The following HMCN1 variants were observed in gnomAD, a reference collection of about 807,000 sequenced individuals.
HMCN1 encodes hemicentin-1.
Under a neutral mutation model 625.9 loss-of-function variants are expected in HMCN1, and 321 were observed. The observed-to-expected ratio is 0.51, with a 90% CI of 0.47 to 0.56. The LOEUF (loss-of-function observed/expected upper bound fraction) is 0.56. Among genes scored for constraint, HMCN1 ranks in the 20% least tolerant of loss-of-function variants. The probability of loss-of-function intolerance (pLI) is 0.00; values close to 1 mark genes in which losing one functional copy is unlikely to be tolerated. For missense variants in HMCN1, 6,588 were observed against 6,887.3 expected (o/e 0.96, Z 1.54); for synonymous variants, 2,425 against 2,417.6 (o/e 1.00, Z -0.09).
intron 4 of HMCN1, among the ~76,000 whole-genome samples, chr1:185,869,811 G>A (rs781082042): frequency 5.3e-5 from 8 of 152,074 alleles, no homozygotes; most frequent in African/African-American, 1.7e-4. Flanking sequence ...CTATACTGGT[G>A]TCTTCACATT....
chr1:185,860,144 C>A (rs1456405970), intron 2 of HMCN1, among the ~76,000 whole-genome samples: 1 of 152,042 alleles, frequency 6.6e-6, no homozygotes. Flanking sequence ...AAACACATAG[C>A]TTTATTAAGA....
chr1:186,045,547 T>G (rs186589284), intron 40 of HMCN1, 141 bp from the exon 41 acceptor site: 1 of 695,802 alleles, frequency 1.4e-6, no homozygotes, highest in East Asian at 2.7e-5. Context: ...AACCAAGTGA[T>G]GCAAAGTGAT....
chr1:185,882,625 T>C (rs1664378511), intron 4 of HMCN1, among the ~76,000 whole-genome samples: 1 of 152,098 alleles, frequency 6.6e-6, no homozygotes, highest in Non-Finnish European at 1.5e-5. Context: ...ATTTTCCCAC[T>C]TCAGAAATTA....
intron 4 of HMCN1, among the ~76,000 whole-genome samples, chr1:185,886,415 A>G (rs1664653887): frequency 6.6e-6 from 1 of 152,142 alleles, no homozygotes; most frequent in Non-Finnish European, 1.5e-5. Flanking sequence ...AGGTCCTATG[A>G]AACTTGAAAA....
In HMCN1 at chr1:186,007,149, T is replaced by G; in HGVS notation, c.4497T>G (p.Pro1499=). The part of the protein sequence containing the change: ...KDGKPLFLGD[P]NVELLDRGQV... The stretch of plus-strand genomic sequence containing the variant: ...CTAGGCCTTTATTTTTGGGCGATCC[T>G]AATGTTGAACTTCTAGACAGAGGAC... Residue 1499 remains proline, a synonymous_variant, in exon 30 of 107, where the codon CCT becomes CCG. Transcript: ENST00000271588. The G allele has an allele frequency of 6.2e-7, 1 of 1,613,010 alleles. No homozygotes were observed. Among genetic ancestry groups the G allele is most frequent in the South Asian group, 1.1e-5 (1 of 91,048 alleles).
chr1:185,827,385 T>TA (rs1217310970), intron 1 of HMCN1, among the ~76,000 whole-genome samples: 4 of 151,554 alleles, frequency 2.6e-5, no homozygotes, highest in Admixed American at 6.6e-5. Context: ...TGAATGCCAA[T>TA]AAAAAATAAA....
At chr1:185,881,493 C>A (rs1293771084) in intron 4 of HMCN1, among the ~76,000 whole-genome samples, 1 of 152,120 alleles carries the variant, frequency 6.6e-6, no homozygotes, top group Non-Finnish European at 1.5e-5. Context: ...AGTCTGGGGT[C>A]TTTATAGGCA....
At chr1:185,945,559 A>T (rs1668298619) in intron 11 of HMCN1, among the ~76,000 whole-genome samples, 1 of 152,232 alleles carries the variant, frequency 6.6e-6, no homozygotes, top group Non-Finnish European at 1.5e-5. Flanking sequence ...ATACGATGTC[A>T]TAAGAGCCAT....
rs1666641113 is a variant in HMCN1 at position 185,915,276 on chromosome 1, T to C, written c.900+3496T>C. Among the ~76,000 whole-genome samples, 3 of 152,202 alleles carry C rather than the reference T, an allele frequency of 2.0e-5. No individual in the cohort carries two copies. In the South Asian group the frequency reaches 6.2e-4, roughly 32 times the overall value. Reference sequence around the variant, plus strand: ...TTTTATGCTCCTAAATTTCCATTTGTAGGAAAGCTACAGATCATGGATCTT... The same window carrying C: ...TTTTATGCTCCTAAATTTCCATTTGCAGGAAAGCTACAGATCATGGATCTT... On this transcript the variant is annotated intron_variant, in intron 6 of 106. Coordinates refer to ENST00000271588, the MANE Select transcript of HMCN1 (RefSeq NM_031935.3).
Position 186,045,455 on chromosome 1 carries a change from G to A in HMCN1, c.6305-233G>A, listed in dbSNP as rs190625692. 1.2e-3 allele frequency among the ~76,000 whole-genome samples: 176 copies of A among 152,148 alleles called. 1 individual carries two copies. Among genetic ancestry groups the A allele is most frequent in the African/African-American group, 3.7e-3 (153 of 41,538 alleles). ...ATTGGGCACTTGATGAGAACTTCCC[G>A]TTCTAAAAGTTTTTTAAATAAGAAG... On this transcript the variant is annotated intron_variant, in intron 40 of 106. Coordinates refer to ENST00000271588, the MANE Select transcript of HMCN1 (RefSeq NM_031935.3).
At chr1:185,905,337 C>T (rs1012192213) in intron 4 of HMCN1, among the ~76,000 whole-genome samples, 2 of 151,544 alleles carry the variant, frequency 1.3e-5, no homozygotes, top group Non-Finnish European at 3.0e-5. Flanking sequence ...GGTTCAGGGA[C>T]GATAGTAGTG....
At chr1:185,873,126 C>A (rs371219371) in intron 4 of HMCN1, among the ~76,000 whole-genome samples, 1 of 151,996 alleles carries the variant, frequency 6.6e-6, no homozygotes, top group African/African-American at 2.4e-5. Context: ...AAGAAATAAA[C>A]CTATTTATTT....
At chr1:185,906,319 A>C (rs1026503606) in intron 4 of HMCN1, among the ~76,000 whole-genome samples, 1 of 151,832 alleles carries the variant, frequency 6.6e-6, no homozygotes, top group Non-Finnish European at 1.5e-5. Context: ...TTCTTGACAG[A>C]AGTCTGCACT....
intron 91 of HMCN1, among the ~76,000 whole-genome samples, chr1:186,145,037 T>C (rs918535775): frequency 2.6e-5 from 4 of 152,220 alleles, no homozygotes; most frequent in Non-Finnish European, 4.4e-5. Flanking sequence ...TCAACCTGGA[T>C]TTTTAGACCC....
chr1:186,052,000 G>A (rs1383149919), intron 42 of HMCN1, among the ~76,000 whole-genome samples: 1 of 152,000 alleles, frequency 6.6e-6, no homozygotes, highest in Non-Finnish European at 1.5e-5. Flanking sequence ...CAATAACTGA[G>A]TAGACAGAGT....
chr1:185,980,996 A>C lies in HMCN1; in HGVS notation c.2585A>C (p.Lys862Thr). The change falls in exon 17 of 107, where the codon AAA (lysine) becomes ACA (threonine). Residue 862 changes from lysine to threonine, a missense_variant. Transcript: ENST00000271588. Reference protein sequence around the residue: ...LFILNLWASDKGTYICEAENQ... With the variant: ...LFILNLWASDTGTYICEAENQ... The stretch of plus-strand genomic sequence containing the variant: ...CTTTTAGACTTATGGGCAAGTGATA[A>C]AGGAACCTATATTTGTGAAGCTGAA... 1 of 1,608,096 alleles carries C rather than the reference A, an allele frequency of 6.2e-7. No individual in the cohort carries two copies. The highest frequency in any genetic ancestry group is 8.5e-7 in the Non-Finnish European group (1 of 1,174,598).
At position 186,055,525 on chromosome 1, in the gene HMCN1, C is replaced by G. The variant is rs376055523; in HGVS notation, c.6995C>G (p.Pro2332Arg). 150 of 1,612,710 alleles carry G rather than the reference C, an allele frequency of 9.3e-5. No homozygotes were observed. The highest frequency in any genetic ancestry group is 1.6e-4 in the Middle Eastern group (1 of 6,074). Residue 2332 changes from proline (P) to arginine (R), a missense_variant, in exon 45 of 107, where the codon CCC (proline) becomes CGC (arginine). Pro to Arg is a moderately radical substitution (Grantham distance 103, BLOSUM62 -2). Coordinates refer to ENST00000271588, the MANE Select transcript of HMCN1 (RefSeq NM_031935.3). The part of the protein sequence containing the change: ...PTVTWMKDGH[P>R]LIKAKGVEIL... The stretch of plus-strand genomic sequence containing the variant: ...GTGACCTGGATGAAAGATGGCCACC[C>G]CTTGATCAAGGCAAAGGGAGTAGAA...
At chr1:185,779,890 A>C (rs1172403946) in intron 1 of HMCN1, among the ~76,000 whole-genome samples, 2 of 152,166 alleles carry the variant, frequency 1.3e-5, no homozygotes, top group Non-Finnish European at 2.9e-5. Context: ...GAAGAAAGTC[A>C]TTGGTAGCTT....
intron 1 of HMCN1, among the ~76,000 whole-genome samples, chr1:185,792,761 A>G (rs563081345): frequency 4.0e-4 from 61 of 152,294 alleles, no homozygotes; most frequent in Middle Eastern, 3.4e-3. Context: ...TCACATTGGT[A>G]CTTCACGGTT....
Sources: gnomAD v4.1 joint callset for allele counts (sites outside exome capture counted in the v4.1 genomes callset) on GRCh38, gnomAD v4.1.1 for gene constraint, MANE v1.5 for transcripts, NCBI Gene and HGNC (gene_info 2026-07-23, HGNC 2026-07-21) for gene names.